ACAD11: variants seen among roughly 807,000 people sequenced by gnomAD.
ACAD11 encodes the protein acyl-Coenzyme A dehydrogenase family, member 11.
Under a neutral mutation model 102.2 loss-of-function variants are expected in ACAD11, and 83 were observed. The ratio of observed to expected loss-of-function variants is 0.81; its 90% CI spans 0.68 to 0.97. The LOEUF (loss-of-function observed/expected upper bound fraction) is 0.97, where lower values mean the gene tolerates loss of function less well. Among genes scored for constraint, ACAD11 ranks in the 50% least tolerant of loss-of-function variants. The probability of loss-of-function intolerance (pLI) is 0.00; values close to 1 mark genes in which losing one functional copy is unlikely to be tolerated. For missense variants in ACAD11, 901 were observed against 951.7 expected (o/e 0.95, Z 0.70); for synonymous variants, 324 against 319.8 (o/e 1.01, Z -0.14).
In ACAD11 at chr3:132,642,149, C is replaced by T; in HGVS notation, c.376-16G>A. On this transcript the variant is annotated splice_polypyrimidine_tract_variant and intron_variant, in intron 3 of 19. Coordinates refer to ENST00000264990, the MANE Select transcript of ACAD11 (RefSeq NM_032169.5). ...AGATTCGACCCTATGGAAGTGATTACAACAGATTATTTAAATGTGTATAAT... is the reference window on the plus strand; with the variant it reads ...AGATTCGACCCTATGGAAGTGATTATAACAGATTATTTAAATGTGTATAAT... 1.2e-6 allele frequency: 2 copies of T among 1,600,468 alleles called. No homozygotes were observed. The highest frequency in any genetic ancestry group is 1.7e-6 in the Non-Finnish European group (2 of 1,171,592).
intron 1 of ACAD11, among the ~76,000 whole-genome samples, chr3:132,654,098 G>A (rs570410242): frequency 2.8e-4 from 43 of 152,172 alleles, no homozygotes; most frequent in South Asian, 1.9e-3. Flanking sequence ...CTACATTTCA[G>A]TTCACAATAA....
chr3:132,575,738 G>A, intron 17 of ACAD11, 34 bp downstream of exon 17: 1 of 1,611,964 alleles, frequency 6.2e-7, no homozygotes, highest in South Asian at 1.1e-5. Context: ...AGTGCACCGG[G>A]CTACAATAAA....
rs752992684 is a variant in ACAD11, at chr3:132,575,800, A to G, written c.1973T>C (p.Ile658Thr). ...QIMCERATQRIAFKKKLYAHE... is the reference protein window; with the variant it reads ...QIMCERATQRTAFKKKLYAHE... ...TGCATACAACTTCTTCTTGAAAGCT[A>G]TCCTTTGTGTTGCCCGCTCACACAT... The change falls in exon 17 of 20, where the codon ATA (isoleucine) becomes ACA (threonine). Residue 658 changes from isoleucine (I) to threonine (T), a missense_variant. Ile to Thr is a moderately conservative substitution (Grantham distance 89). Coordinates refer to ENST00000264990, the MANE Select transcript of ACAD11 (RefSeq NM_032169.5). 5 of 1,613,990 alleles carry G rather than the reference A, an allele frequency of 3.1e-6. No individual in the cohort carries two copies. In the East Asian group the frequency reaches 8.9e-5, roughly 29 times the overall value.
rs1937247809 is a variant in ACAD11, at chr3:132,567,466, A to G, written c.2002-6249T>C. 1.3e-5 allele frequency among the ~76,000 whole-genome samples: 2 copies of G among 152,226 alleles called. 1 individual carries two copies. Among genetic ancestry groups the G allele is most frequent in the Non-Finnish European group, 2.9e-5 (2 of 68,034 alleles). On this transcript the variant is annotated intron_variant, in intron 17 of 19. Coordinates refer to ENST00000264990, the MANE Select transcript of ACAD11 (RefSeq NM_032169.5). ...GAACAACCACCAAAACAGCTATACA[A>G]AGAGACACTCGAGAAACACTATAAA... is the stretch of plus-strand genomic sequence containing the variant.
chr3:132,576,069 G>A (rs889377886), intron 16 of ACAD11, 143 bp from the exon 17 acceptor site: 8 of 836,140 alleles, frequency 9.6e-6, no homozygotes, highest in Non-Finnish European at 1.4e-5. Context: ...CTATAATAAG[G>A]TTCACTATGA....
intron 2 of ACAD11, among the ~76,000 whole-genome samples, chr3:132,643,650 C>T (rs959159109): frequency 2.0e-5 from 3 of 151,960 alleles, no homozygotes; most frequent in Non-Finnish European, 4.4e-5. Context: ...GTAACGAAAC[C>T]CATGTTCAAG....
At chr3:132,615,489 G>C (rs1576592587) in intron 11 of ACAD11, among the ~76,000 whole-genome samples, 1 of 152,160 alleles carries the variant, frequency 6.6e-6, no homozygotes, top group Non-Finnish European at 1.5e-5. Context: ...GGAATACTAT[G>C]CAGCCATAAA....
intron 13 of ACAD11, among the ~76,000 whole-genome samples, chr3:132,586,348 G>A (rs553107741): frequency 6.6e-6 from 1 of 152,230 alleles, no homozygotes; most frequent in Non-Finnish European, 1.5e-5. Context: ...TTGTGGGGTG[G>A]GGGGAGGCAG....
chr3:132,657,426 T>G (rs1315661895), intron 1 of ACAD11, among the ~76,000 whole-genome samples: 1 of 152,190 alleles, frequency 6.6e-6, no homozygotes, highest in Non-Finnish European at 1.5e-5. Flanking sequence ...AGCCCTTCGC[T>G]CTTACACATA....
chr3:132,575,813 C>T lies in ACAD11; in HGVS notation c.1960G>A (p.Ala654Thr), dbSNP rs1263711933. The change falls in exon 17 of 20, where the codon GCA (alanine) becomes ACA (threonine). Residue 654 changes from alanine to threonine, a missense_variant. Coordinates refer to ENST00000264990, the MANE Select transcript of ACAD11 (RefSeq NM_032169.5). ...ERALQIMCER[A>T]TQRIAFKKKL... ...TTCTTGAAAGCTATCCTTTGTGTTG[C>T]CCGCTCACACATGATCTGCAAAGCG... 1 of 1,614,028 alleles carries T rather than the reference C, an allele frequency of 6.2e-7. No homozygotes were observed. Among genetic ancestry groups the T allele is most frequent in the Non-Finnish European group, 8.5e-7 (1 of 1,179,974 alleles).
chr3:132,640,962 C>T (rs571566517), intron 4 of ACAD11, among the ~76,000 whole-genome samples: 39 of 152,182 alleles, frequency 2.6e-4, no homozygotes, highest in African/African-American at 9.4e-4. Flanking sequence ...CTTAAATACT[C>T]ATTATAAGAT....
At position 132,577,418 on chromosome 3, in the gene ACAD11, A is replaced by G. The variant is rs538646730; in HGVS notation, c.1775-403T>C. On this transcript the variant is annotated intron_variant, in intron 15 of 19. Coordinates refer to ENST00000264990, the MANE Select transcript of ACAD11 (RefSeq NM_032169.5). ...ATGTTTCAAAAATTAAAAATGAGTA[A>G]TGTAATCCATGTTTCTTATTTTATC... Among the ~76,000 whole-genome samples, 4 of 152,316 alleles carry G rather than the reference A, an allele frequency of 2.6e-5. No individual in the cohort carries two copies. In the South Asian group the frequency reaches 8.3e-4, roughly 32 times the overall value.
At chr3:132,566,952 T>C (rs572319710) in intron 17 of ACAD11, among the ~76,000 whole-genome samples, 7 of 152,334 alleles carry the variant, frequency 4.6e-5, no homozygotes, top group Admixed American at 4.6e-4. Context: ...GTTCTAAATG[T>C]ATTTAGAGAA....
At position 132,622,146 on chromosome 3, in the gene ACAD11, T is replaced by G. The variant is rs1432177064; in HGVS notation, c.1198-2601A>C. ...GGCTAGTGGTATTACTTACAAACAT[T>G]GTCAAAACTCTTAACCCATATTATC... On this transcript the variant is annotated intron_variant, in intron 9 of 19. Coordinates refer to ENST00000264990, the MANE Select transcript of ACAD11 (RefSeq NM_032169.5). Among the ~76,000 whole-genome samples the G allele has an allele frequency of 2.6e-5, 4 of 152,310 alleles. No homozygotes were observed. In the East Asian group the frequency reaches 5.8e-4, roughly 22 times the overall value.
intron 9 of ACAD11, among the ~76,000 whole-genome samples, 186 bp from the exon 10 acceptor site, chr3:132,619,731 A>G (rs757381191): frequency 1.3e-5 from 2 of 152,186 alleles, no homozygotes; most frequent in Non-Finnish European, 2.9e-5. Flanking sequence ...CTGCCACAAT[A>G]TTAGATAGTA....
intron 15 of ACAD11, 130 bp downstream of exon 15, chr3:132,578,666 A>G: frequency 1.0e-6 from 1 of 989,456 alleles, no homozygotes; most frequent in Non-Finnish European, 1.5e-6. Context: ...ATTTATATTA[A>G]GACAGTTGTC....
At position 132,659,619 on chromosome 3, in the gene ACAD11, T is replaced by A; in HGVS notation, c.133A>T (p.Thr45Ser). ...CATCCATACCTGTACTGGGCAATGGTCAGCGTAGCCTCACGTTCGGCCCCA... is the reference window on the plus strand; with the variant it reads ...CATCCATACCTGTACTGGGCAATGGACAGCGTAGCCTCACGTTCGGCCCCA... The part of the protein sequence containing the change: ...GFGAEREATL[T>S]IAQYRAGKSN... Residue 45 changes from threonine (T) to serine (S), a missense_variant, in exon 1 of 20, where the codon ACC becomes TCC. Coordinates refer to ENST00000264990, the MANE Select transcript of ACAD11 (RefSeq NM_032169.5). The A allele has an allele frequency of 6.2e-7, 1 of 1,610,242 alleles. No homozygotes were observed.
chr3:132,610,195 A>G (rs1268865060), intron 11 of ACAD11, among the ~76,000 whole-genome samples: 1 of 152,088 alleles, frequency 6.6e-6, no homozygotes, highest in African/African-American at 2.4e-5. Context: ...AGCTGGAAGC[A>G]CTCCCTTTGA....
At chr3:132,586,408 G>A (rs1937829122) in intron 13 of ACAD11, among the ~76,000 whole-genome samples, 1 of 152,062 alleles carries the variant, frequency 6.6e-6, no homozygotes, top group African/African-American at 2.4e-5. Flanking sequence ...GAGTTAATGG[G>A]TGCAGCACAC....
Sources: gnomAD v4.1 joint callset for allele counts (sites outside exome capture counted in the v4.1 genomes callset) on GRCh38, gnomAD v4.1.1 for gene constraint, MANE v1.5 for transcripts, NCBI Gene and HGNC (gene_info 2026-07-23, HGNC 2026-07-21) for gene names.